MTSS1: variants seen among roughly 807,000 people sequenced by gnomAD.
MTSS1 encodes protein MTSS 1.
MTSS1 carries 18 observed loss-of-function variants against 79.0 expected under a neutral mutation model. The ratio of observed to expected loss-of-function variants is 0.23; its 90% CI spans 0.16 to 0.34. The LOEUF is 0.34. Among genes scored for constraint, MTSS1 ranks in the 10% least tolerant of loss-of-function variants. The probability of loss-of-function intolerance (pLI) is 1.00; values close to 1 mark genes in which losing one functional copy is unlikely to be tolerated. For synonymous variants in MTSS1, 341 were observed against 368.6 expected (o/e 0.93, Z 0.86); for missense variants, 815 against 986.2 (o/e 0.83, Z 2.33).
At chr8:124,664,748 C>T (rs1039524949) in intron 3 of MTSS1, among the ~76,000 whole-genome samples, 48 of 152,154 alleles carry the variant, frequency 3.2e-4, no homozygotes, top group African/African-American at 1.1e-3. Context: ...AGCCTCCAGG[C>T]CTGTTTCCTT....
At chr8:124,686,262 G>C (rs538081164) in intron 3 of MTSS1, among the ~76,000 whole-genome samples, 1 of 152,038 alleles carries the variant, frequency 6.6e-6, no homozygotes, top group African/African-American at 2.4e-5. Flanking sequence ...CGCAGGGAGC[G>C]CAACACGAAC....
At chr8:124,703,403 C>T (rs908952917) in intron 2 of MTSS1, among the ~76,000 whole-genome samples, 4 of 152,202 alleles carry the variant, frequency 2.6e-5, no homozygotes, top group African/African-American at 7.2e-5. Context: ...AGCGATTCTC[C>T]TGTCTCAGCC....
chr8:124,568,263 A>G, intron 7 of MTSS1, 116 bp downstream of exon 7: 2 of 1,242,204 alleles, frequency 1.6e-6, no homozygotes, highest in Non-Finnish European at 1.1e-6. Context: ...AGGAGATACC[A>G]CCATCATGAT....
intron 2 of MTSS1, among the ~76,000 whole-genome samples, chr8:124,701,664 T>G (rs1267955391): frequency 2.0e-5 from 3 of 152,212 alleles, no homozygotes; most frequent in Non-Finnish European, 4.4e-5. Context: ...AGAGGTGTCT[T>G]GCATATTACA....
chr8:124,694,573 C>T (rs879595894), intron 3 of MTSS1, among the ~76,000 whole-genome samples: 10 of 152,084 alleles, frequency 6.6e-5, no homozygotes, highest in Non-Finnish European at 1.3e-4. Context: ...GGGCTGGGCT[C>T]TGTTCTGAGT....
chr8:124,567,525 T>C, intron 7 of MTSS1: 2 of 1,103,252 alleles, frequency 1.8e-6, no homozygotes, highest in East Asian at 5.4e-5. Flanking sequence ...GTGGCCCTTT[T>C]CTGAAGTTGC....
At chr8:124,701,646 C>A (rs1587883505) in intron 2 of MTSS1, among the ~76,000 whole-genome samples, 1 of 152,116 alleles carries the variant, frequency 6.6e-6, no homozygotes. Context: ...ATTTAATGAA[C>A]CAGCTGCAGA....
chr8:124,637,731 C>T (rs75973783), intron 3 of MTSS1, among the ~76,000 whole-genome samples: 5,709 of 152,308 alleles, frequency 0.037, 252 homozygotes, highest in East Asian at 0.16. Flanking sequence ...AGCATGCTTC[C>T]GACGGGTGTC....
intron 3 of MTSS1, among the ~76,000 whole-genome samples, chr8:124,641,548 T>C (rs1818054093): frequency 6.6e-6 from 1 of 152,148 alleles, no homozygotes; most frequent in Admixed American, 6.5e-5. Context: ...AATTACTCAA[T>C]AAACGGGCTC....
intron 1 of MTSS1, among the ~76,000 whole-genome samples, chr8:124,706,629 C>A (rs2135513620): frequency 1.3e-5 from 2 of 152,362 alleles, no homozygotes; most frequent in South Asian, 4.1e-4. Context: ...TGGCTCCTGG[C>A]AGAGGCCCTT....
At chr8:124,664,476 G>C (rs1822683060) in intron 3 of MTSS1, among the ~76,000 whole-genome samples, 1 of 151,066 alleles carries the variant, frequency 6.6e-6, no homozygotes, top group South Asian at 2.1e-4. Context: ...TTGGGAGTAT[G>C]TAGACCAGAG....
At position 124,556,158 on chromosome 8, in the gene MTSS1, C is replaced by A. The variant is rs777943064; in HGVS notation, c.1404+74G>T. On this transcript the variant is annotated intron_variant, in intron 12 of 13. Coordinates refer to ENST00000518547, the MANE Select transcript of MTSS1 (RefSeq NM_014751.6). The stretch of plus-strand genomic sequence containing the variant: ...CAGCTGCAAGGCTGCCTTGGCCCCC[C>A]AGTTGCTGGCCAGAATGTGATCCCC... The A allele has an allele frequency of 4.4e-6, 7 of 1,604,102 alleles. No homozygotes were observed. In the South Asian group the frequency reaches 6.7e-5, roughly 15 times the overall value.
chr8:124,570,753 A>G (rs1307601372), intron 6 of MTSS1, among the ~76,000 whole-genome samples: 1 of 152,154 alleles, frequency 6.6e-6, no homozygotes, highest in East Asian at 1.9e-4. Context: ...CTCAGGCTGG[A>G]GTGCAGTGGA....
At chr8:124,707,594 A>G (rs1830572667) in intron 1 of MTSS1, among the ~76,000 whole-genome samples, 1 of 152,076 alleles carries the variant, frequency 6.6e-6, no homozygotes, top group African/African-American at 2.4e-5. Context: ...CTGTAATCCC[A>G]GCTACTCGGG....
At chr8:124,574,895 C>G (rs371960564) in intron 6 of MTSS1, among the ~76,000 whole-genome samples, 6 of 152,134 alleles carry the variant, frequency 3.9e-5, no homozygotes, top group African/African-American at 1.2e-4. Flanking sequence ...TCTAAGAGAG[C>G]CACTTTCCCC....
At chr8:124,708,618 GACGACTACTC>G (rs1194290471) in intron 1 of MTSS1, among the ~76,000 whole-genome samples, 2 of 152,138 alleles carry the variant, frequency 1.3e-5, no homozygotes, top group African/African-American at 4.8e-5. Flanking sequence ...GCCTGAAAAA[GACGACTACTC>G]AAACCACTGA....
intron 3 of MTSS1, among the ~76,000 whole-genome samples, chr8:124,684,065 A>G (rs148729067): frequency 2.0e-5 from 3 of 152,368 alleles, no homozygotes; most frequent in Admixed American, 1.3e-4. Context: ...ATGTACAATC[A>G]GAGTAAAGAC....
At chr8:124,695,263 C>A (rs1376450087) in intron 3 of MTSS1, among the ~76,000 whole-genome samples, 1 of 152,062 alleles carries the variant, frequency 6.6e-6, no homozygotes, top group Non-Finnish European at 1.5e-5. Context: ...GCTTGAAATG[C>A]TGGGCACTTG....
At chr8:124,650,435 C>T (rs971214523) in intron 3 of MTSS1, among the ~76,000 whole-genome samples, 1 of 152,174 alleles carries the variant, frequency 6.6e-6, no homozygotes, top group Admixed American at 6.5e-5. Context: ...ACAGGATGGA[C>T]AAGAATGAGA....
Sources: allele counts gnomAD v4.1 joint callset (sites outside exome capture counted in the v4.1 genomes callset), GRCh38; gene constraint gnomAD v4.1.1; transcripts MANE v1.5; gene names NCBI Gene and HGNC (gene_info 2026-07-23, HGNC 2026-07-21).